KDM3A: variants seen among roughly 807,000 people sequenced by gnomAD.
KDM3A encodes lysine-specific demethylase 3A.
Under a neutral mutation model 158.0 loss-of-function variants are expected in KDM3A, and 60 were observed. The ratio of observed to expected loss-of-function variants is 0.38; its 90% CI spans 0.31 to 0.47. KDM3A has a LOEUF of 0.47. Ranked by LOEUF, KDM3A falls within the 20% of genes least tolerant of loss-of-function variation. The pLI is 0.99. For synonymous variants in KDM3A, 608 were observed against 549.3 expected, an observed-to-expected ratio of 1.11 and a Z score of -1.49; for missense variants, 1,319 against 1,574.3, an observed-to-expected ratio of 0.84 and a Z score of 2.74.
chr2:86,475,506 T>TC (rs1673621614), intron 12 of KDM3A, among the ~76,000 whole-genome samples: 1 of 152,136 alleles, frequency 6.6e-6, no homozygotes, highest in Non-Finnish European at 1.5e-5. Context: ...GCTTGTGTCT[T>TC]CCCCTCTTTG....
At position 86,492,188 on chromosome 2, in the gene KDM3A, T is replaced by C. The variant is rs1244846625; in HGVS notation, c.*69T>C. On this transcript the variant is annotated 3_prime_UTR_variant, in exon 26 of 26. Transcript: ENST00000312912. ...TCTTCAGGCAGGATTCCTGTGGACT[T>C]TGAGATTCATGTTACCTCATCTTCT... The C allele has an allele frequency of 1.8e-6, 2 of 1,140,294 alleles. No homozygotes were observed. 70.6% of individuals were successfully genotyped at this position (1,140,294 alleles called of 1,614,324 possible). A position where few individuals can be genotyped will look rare whatever the true frequency, so the allele number is the denominator to read the frequency against.
intron 21 of KDM3A, chr2:86,487,886 AT>A (rs891750359): frequency 6.6e-6 from 1 of 152,158 alleles, no homozygotes; most frequent in Non-Finnish European, 1.5e-5. Context: ...GGCAGCAGTT[AT>A]TTCCTTGCTC....
intron 2 of KDM3A, among the ~76,000 whole-genome samples, chr2:86,447,263 CTT>C (rs1682992022): frequency 6.7e-6 from 1 of 149,448 alleles, no homozygotes; most frequent in African/African-American, 2.5e-5. Context: ...AAGTCATAAA[CTT>C]AAATTGTTTT....
chr2:86,437,536 A>G (rs1682510894), upstream of KDM3A, among the ~76,000 whole-genome samples: 1 of 152,212 alleles, frequency 6.6e-6, no homozygotes, highest in African/African-American at 2.4e-5. Context: ...ATCACAAACT[A>G]ATTTTTAATA....
At chr2:86,453,212 CATT>C (rs1376110590) in intron 4 of KDM3A, among the ~76,000 whole-genome samples, 1 of 152,084 alleles carries the variant, frequency 6.6e-6, no homozygotes, top group Non-Finnish European at 1.5e-5. Flanking sequence ...TGAATGTTGT[CATT>C]AATACGATAT....
chr2:86,450,073 T>A, intron 3 of KDM3A, 111 bp downstream of exon 3: 1 of 1,170,978 alleles, frequency 8.5e-7, no homozygotes, highest in Non-Finnish European at 1.2e-6. Context: ...GCTCCCAGGA[T>A]CTCCTGCCAG....
chr2:86,474,742 T>TGTGTAAAAA, intron 11 of KDM3A, 34 bp from the exon 12 acceptor site: 16 of 1,083,100 alleles, frequency 1.5e-5, no homozygotes, highest in Non-Finnish European at 2.1e-5. Flanking sequence ...TGTGTGTGTG[T>TGTGTAAAAA]ACATTACATC....
chr2:86,471,751 TC>T (rs1361807601), intron 11 of KDM3A, among the ~76,000 whole-genome samples: 1 of 152,192 alleles, frequency 6.6e-6, no homozygotes, highest in Non-Finnish European at 1.5e-5. Context: ...GCCCCATTCA[TC>T]CCTTTGTAAA....
At chr2:86,478,842 A>T in intron 15 of KDM3A, 107 bp downstream of exon 15, 2 of 1,037,582 alleles carry the variant, frequency 1.9e-6, no homozygotes, top group Non-Finnish European at 2.9e-6. Flanking sequence ...ACCTGGGGAT[A>T]GCTATCAAGT....
At chr2:86,461,486 T>C (rs1011806250) in intron 8 of KDM3A, among the ~76,000 whole-genome samples, 5 of 152,198 alleles carry the variant, frequency 3.3e-5, no homozygotes, top group African/African-American at 1.2e-4. Context: ...ACCAGTCTTA[T>C]TTATTGAGCA....
chr2:86,457,393 C>T (rs1672751387), intron 8 of KDM3A, among the ~76,000 whole-genome samples: 1 of 152,104 alleles, frequency 6.6e-6, no homozygotes, highest in Non-Finnish European at 1.5e-5. Context: ...CCTCAGCTTC[C>T]CAAACTGCTG....
chr2:86,487,385 G>GT (rs1056862273), intron 21 of KDM3A: 1 of 152,208 alleles, frequency 6.6e-6, no homozygotes, highest in African/African-American at 2.4e-5. Context: ...TCATTAAAGA[G>GT]TGGTCTTTTC....
intron 16 of KDM3A, 120 bp from the exon 17 acceptor site, chr2:86,481,805 CTAAAG>C (rs1352241605): frequency 1.2e-5 from 8 of 685,690 alleles, no homozygotes; most frequent in Non-Finnish European, 2.0e-5. Flanking sequence ...TACTTACTCC[CTAAAG>C]TATTTTTTTT....
rs1218251823 is a variant in KDM3A, at chr2:86,456,970, T to G, written c.755-13T>G. The G allele has an allele frequency of 9.4e-6, 15 of 1,590,926 alleles. No individual in the cohort carries two copies. The highest frequency in any genetic ancestry group is 1.3e-5 in the Non-Finnish European group (15 of 1,163,276). On this transcript the variant is annotated splice_polypyrimidine_tract_variant and intron_variant, in intron 7 of 25. Transcript: ENST00000312912. Reference sequence around the variant, plus strand: ...ACAGGGAAGCCAACTTAACCTATTTTTAAATATTTTAGGTAATTCTGCAAG... The same window carrying G: ...ACAGGGAAGCCAACTTAACCTATTTGTAAATATTTTAGGTAATTCTGCAAG...
chr2:86,452,427 A>G (rs1672508509), intron 4 of KDM3A, among the ~76,000 whole-genome samples: 3 of 152,150 alleles, frequency 2.0e-5, no homozygotes, highest in Non-Finnish European at 4.4e-5. Flanking sequence ...GTTGTTGAAA[A>G]TGTGACCAGA....
chr2:86,492,512 C>G lies in KDM3A; in HGVS notation c.*393C>G, dbSNP rs1674506888. The stretch of plus-strand genomic sequence containing the variant: ...TGTGTCTGAGTCCCCTCCCTCATCC[C>G]TTAGGGTCCAGAAGAGCAATGGAGG... On this transcript the variant is annotated 3_prime_UTR_variant, in exon 26 of 26. Transcript: ENST00000312912. 2 of 166,938 alleles carry G rather than the reference C, an allele frequency of 1.2e-5. No individual in the cohort carries two copies. The highest frequency in any genetic ancestry group is 4.8e-5 in the African/African-American group (2 of 41,896). The allele number at this position is 166,938 out of a possible 1,614,324, so 10.3% of individuals were successfully genotyped here. A position where few individuals can be genotyped will look rare whatever the true frequency, so the allele number is the denominator to read the frequency against.
intron 5 of KDM3A, 26 bp from the exon 6 acceptor site, chr2:86,456,416 A>ATTTTTTTTTTTTTT: frequency 9.5e-7 from 1 of 1,057,628 alleles, no homozygotes. Context: ...TTGCTCTAAG[A>ATTTTTTTTTTTTTT]TTTTTTTTTT....
chr2:86,477,682 C>T (rs539500259), intron 12 of KDM3A, among the ~76,000 whole-genome samples, 195 bp from the exon 13 acceptor site: 1 of 152,182 alleles, frequency 6.6e-6, no homozygotes, highest in South Asian at 2.1e-4. Flanking sequence ...ATCTGAAGTA[C>T]AAATTCAAGT....
chr2:86,487,833 G>GT (rs1178209743), intron 21 of KDM3A: 1 of 132,748 alleles, frequency 7.5e-6, no homozygotes, highest in Non-Finnish European at 1.8e-5. Flanking sequence ...TCAATGTACA[G>GT]TTACCCATGA....
Sources: allele counts gnomAD v4.1 joint callset (sites outside exome capture counted in the v4.1 genomes callset), GRCh38; gene constraint gnomAD v4.1.1; transcripts MANE v1.5; gene names NCBI Gene and HGNC (gene_info 2026-07-23, HGNC 2026-07-21).